Variants in GALNT13 observed in about 807,000 individuals in gnomAD.
GALNT13 encodes the protein polypeptide N-acetylgalactosaminyltransferase 13.
Under a neutral mutation model 64.2 loss-of-function variants are expected in GALNT13, and 28 were observed. That is an observed-to-expected ratio of 0.44 (90% CI 0.32 to 0.60). GALNT13 has a LOEUF of 0.60. Among genes scored for constraint, GALNT13 ranks in the 20% least tolerant of loss-of-function variants. The probability of loss-of-function intolerance (pLI) is 0.05; values close to 1 mark genes in which losing one functional copy is unlikely to be tolerated. For synonymous variants in GALNT13, 214 were observed against 224.6 expected (o/e 0.95, Z 0.42); for missense variants, 577 against 669.8 (o/e 0.86, Z 1.53).
chr2:153,159,188 G>A, the GALNT13 span: 1 of 152,428 alleles, frequency 6.6e-6, no homozygotes, highest in African/African-American at 2.4e-5. Flanking sequence ...CTGGACTTAC[G>A]TTGTATGCTC....
At chr2:153,276,438 T>G in the GALNT13 span, among the ~76,000 whole-genome samples, 1 of 152,128 alleles carries the variant, frequency 6.6e-6, no homozygotes, top group Non-Finnish European at 1.5e-5. Context: ...TTTTGTTTGG[T>G]ATGAGGTAGT....
the GALNT13 span, among the ~76,000 whole-genome samples, chr2:153,765,882 C>T: frequency 6.6e-6 from 1 of 152,166 alleles, no homozygotes; most frequent in African/African-American, 2.4e-5. Context: ...GGGAGTCCCC[C>T]TTCACAAATT....
the GALNT13 span, among the ~76,000 whole-genome samples, chr2:153,548,462 T>G: frequency 3.9e-5 from 6 of 152,190 alleles, no homozygotes; most frequent in African/African-American, 1.4e-4. Context: ...TCAAATATAC[T>G]TAACGTGAGT....
intron 10 of GALNT13, among the ~76,000 whole-genome samples, chr2:154,406,408 C>A (rs1451262869): frequency 1.3e-5 from 2 of 152,140 alleles, no homozygotes; most frequent in Non-Finnish European, 2.9e-5. Flanking sequence ...CTAAAACTCT[C>A]ATGATTCCTT....
intron 4 of GALNT13, among the ~76,000 whole-genome samples, chr2:154,229,754 G>A (rs1467335298): frequency 1.3e-5 from 2 of 152,010 alleles, no homozygotes; most frequent in Non-Finnish European, 2.9e-5. Flanking sequence ...AAGCATGAGA[G>A]GGCTTTGTTC....
At chr2:153,937,922 T>A (rs66476821) in intron 2 of GALNT13, among the ~76,000 whole-genome samples, 5,054 of 152,280 alleles carry the variant, frequency 0.033, 125 homozygotes, top group South Asian at 0.09. Flanking sequence ...CTAAAGCCTG[T>A]GAAGTTTAAG....
chr2:153,220,401 G>GGAGCATGT, the GALNT13 span, among the ~76,000 whole-genome samples: 27 of 152,210 alleles, frequency 1.8e-4, no homozygotes, highest in Admixed American at 3.9e-4. Flanking sequence ...TGCATTAAGA[G>GGAGCATGT]GCAAAATGGT....
At chr2:153,670,529 C>T in the GALNT13 span, among the ~76,000 whole-genome samples, 642 of 152,252 alleles carry the variant, frequency 4.2e-3, 3 homozygotes, top group Non-Finnish European at 8.0e-3. Flanking sequence ...ACATCTACAC[C>T]AAAACCCTAT....
chr2:153,774,610 G>C, the GALNT13 span, among the ~76,000 whole-genome samples: 1 of 152,084 alleles, frequency 6.6e-6, no homozygotes, highest in African/African-American at 2.4e-5. Flanking sequence ...CAAGAACAAA[G>C]ATAGACTGGG....
chr2:153,334,876 GT>G, the GALNT13 span, among the ~76,000 whole-genome samples: 1 of 152,108 alleles, frequency 6.6e-6, no homozygotes. Context: ...AAGTGATATG[GT>G]TTGGCTGTGT....
the GALNT13 span, among the ~76,000 whole-genome samples, chr2:153,242,322 T>C: frequency 6.6e-6 from 1 of 152,124 alleles, no homozygotes; most frequent in Non-Finnish European, 1.5e-5. Context: ...ATTTCCTGTC[T>C]TGAATTTTCC....
chr2:154,132,369 A>G (rs374879661), intron 3 of GALNT13, among the ~76,000 whole-genome samples: 1 of 152,146 alleles, frequency 6.6e-6, no homozygotes, highest in Non-Finnish European at 1.5e-5. Flanking sequence ...GGCTTATTTT[A>G]TAACATTGTT....
chr2:154,233,791 G>C (rs1250825469), intron 4 of GALNT13, among the ~76,000 whole-genome samples: 1 of 152,122 alleles, frequency 6.6e-6, no homozygotes, highest in Non-Finnish European at 1.5e-5. Context: ...GGAGAAAGTG[G>C]TCGGGGACGG....
At chr2:153,773,249 T>G in the GALNT13 span, among the ~76,000 whole-genome samples, 1 of 152,234 alleles carries the variant, frequency 6.6e-6, no homozygotes, top group African/African-American at 2.4e-5. Context: ...TCAGTAGCAA[T>G]GACAGGTTGA....
At chr2:154,329,786 T>TAA (rs70983719) in intron 9 of GALNT13, among the ~76,000 whole-genome samples, 1 of 151,362 alleles carries the variant, frequency 6.6e-6, no homozygotes, top group Non-Finnish European at 1.5e-5. Flanking sequence ...AGCTGGTTGT[T>TAA]AAAAAAAAGC....
At chr2:154,030,749 C>T (rs1698281572) in intron 3 of GALNT13, among the ~76,000 whole-genome samples, 1 of 152,236 alleles carries the variant, frequency 6.6e-6, no homozygotes, top group African/African-American at 2.4e-5. Context: ...AGCACTCCCA[C>T]CTTCACTTGC....
chr2:154,319,313 T>C (rs1694495040), intron 9 of GALNT13, among the ~76,000 whole-genome samples: 1 of 152,162 alleles, frequency 6.6e-6, no homozygotes. Context: ...GTATACAAAT[T>C]ACTGAACAAT....
chr2:153,907,366 TTACA>T (rs1324820291), intron 2 of GALNT13, among the ~76,000 whole-genome samples: 1 of 151,814 alleles, frequency 6.6e-6, no homozygotes, highest in Non-Finnish European at 1.5e-5. Context: ...ATACATATAA[TTACA>T]TACATAATAA....
chr2:153,714,401 A>G, the GALNT13 span, among the ~76,000 whole-genome samples: 1 of 152,212 alleles, frequency 6.6e-6, no homozygotes, highest in South Asian at 2.1e-4. Flanking sequence ...TGATTTTAAT[A>G]AAGTCTACCT....
Sources: gnomAD v4.1 joint callset for allele counts (sites outside exome capture counted in the v4.1 genomes callset) on GRCh38, gnomAD v4.1.1 for gene constraint, MANE v1.5 for transcripts, NCBI Gene and HGNC (gene_info 2026-07-23, HGNC 2026-07-21) for gene names.